COL25A1: variants seen among roughly 807,000 people sequenced by gnomAD.
COL25A1 encodes the protein collagen type XXV alpha 1 chain, also known as collagen alpha-1(XXV) chain.
A neutral mutation model predicts 128.4 loss-of-function variants in COL25A1; 103 were observed. That is an observed-to-expected ratio of 0.80 (90% confidence interval 0.68 to 0.94). COL25A1 has a LOEUF of 0.94. COL25A1 is among the 40% of genes least tolerant of loss of function. The pLI, the probability that COL25A1 is intolerant of heterozygous loss-of-function variation, is 0.00. For missense variants in COL25A1, 745 were observed against 840.0 expected (o/e 0.89, Z 1.40); for synonymous variants, 279 against 277.2 (o/e 1.01, Z -0.06).
intron 5 of COL25A1, among the ~76,000 whole-genome samples, chr4:109,043,247 G>T (rs1159751030): frequency 3.3e-5 from 5 of 152,030 alleles, no homozygotes; most frequent in African/African-American, 1.2e-4. Flanking sequence ...GACACAATTT[G>T]ACTTAAAAAT....
intron 3 of COL25A1, among the ~76,000 whole-genome samples, chr4:109,186,337 T>C (rs921746800): frequency 2.6e-5 from 4 of 152,228 alleles, no homozygotes; most frequent in African/African-American, 4.8e-5. Flanking sequence ...CATATATTTT[T>C]CCATTTTTCT....
rs560250030 is a variant in COL25A1, at chr4:109,018,398, A to G, written c.421-8023T>C. On this transcript the variant is annotated intron_variant, in intron 5 of 37. Coordinates refer to ENST00000399132, the MANE Select transcript of COL25A1 (RefSeq NM_198721.4). ...CTCCACCACTCCCAGAAAATTTTTT[A>G]TATTTAGTAGAGATGGGGTTTCACC... Among the ~76,000 whole-genome samples, 6 of 152,178 alleles carry G rather than the reference A, an allele frequency of 3.9e-5. No individual in the cohort carries two copies. The South Asian group carries it at 1.2e-3, about 32-fold the overall frequency.
intron 3 of COL25A1, among the ~76,000 whole-genome samples, chr4:109,286,319 G>GTACA (rs1257419636): frequency 1.3e-5 from 2 of 152,054 alleles, no homozygotes; most frequent in African/African-American, 4.8e-5. Context: ...CAACCTTGAG[G>GTACA]TACACCTTGA....
At chr4:109,179,425 T>C (rs748648916) in intron 3 of COL25A1, among the ~76,000 whole-genome samples, 27 of 152,232 alleles carry the variant, frequency 1.8e-4, no homozygotes, top group Non-Finnish European at 2.9e-4. Flanking sequence ...AGACTTCTAA[T>C]ATGCATTCGT....
Position 108,974,562 on chromosome 4 carries a change from G to A in COL25A1, c.439-3C>T. ...TCGCCTTTTGGACCAGGAGGGCCCT[G>A]AAAAAAAGAAAGAGAAAAAAAATTT... On this transcript the variant is annotated splice_polypyrimidine_tract_variant and splice_region_variant and intron_variant, in intron 6 of 37. Coordinates refer to ENST00000399132, the MANE Select transcript of COL25A1 (RefSeq NM_198721.4). 1 of 1,591,314 alleles carries A rather than the reference G, an allele frequency of 6.3e-7. No homozygotes were observed. Among genetic ancestry groups the A allele is most frequent in the Non-Finnish European group, 8.5e-7 (1 of 1,171,986 alleles).
At chr4:108,914,810 C>T (rs1183849916) in intron 13 of COL25A1, among the ~76,000 whole-genome samples, 1 of 152,006 alleles carries the variant, frequency 6.6e-6, no homozygotes, top group Non-Finnish European at 1.5e-5. Context: ...TGAGCCACTG[C>T]GCCCAGCCTG....
chr4:109,059,749 T>C (rs1761783706), intron 3 of COL25A1, among the ~76,000 whole-genome samples: 1 of 152,212 alleles, frequency 6.6e-6, no homozygotes, highest in Non-Finnish European at 1.5e-5. Flanking sequence ...TATATATAAG[T>C]ATTTGAAGTG....
At chr4:108,904,386 G>A (rs1743212617) in intron 13 of COL25A1, among the ~76,000 whole-genome samples, 1 of 152,070 alleles carries the variant, frequency 6.6e-6, no homozygotes, top group Non-Finnish European at 1.5e-5. Flanking sequence ...TAGGGGCAAA[G>A]TTTTCTTACA....
intron 3 of COL25A1, among the ~76,000 whole-genome samples, chr4:109,182,205 TG>T (rs1560824977): frequency 6.6e-6 from 1 of 152,144 alleles, no homozygotes; most frequent in African/African-American, 2.4e-5. Context: ...TTTCCTTTGG[TG>T]TACACTCAGC....
intron 3 of COL25A1, among the ~76,000 whole-genome samples, chr4:109,139,287 C>T (rs2126083100): frequency 6.6e-6 from 1 of 152,264 alleles, no homozygotes; most frequent in Non-Finnish European, 1.5e-5. Context: ...TCCCTGTTCA[C>T]TCTGATGATA....
intron 3 of COL25A1, among the ~76,000 whole-genome samples, chr4:109,206,181 G>A (rs1338549568): frequency 6.6e-6 from 1 of 151,982 alleles, no homozygotes; most frequent in Non-Finnish European, 1.5e-5. Flanking sequence ...TCCTTCTACT[G>A]TACACACCTT....
intron 3 of COL25A1, among the ~76,000 whole-genome samples, chr4:109,088,485 C>T (rs1224754835): frequency 2.6e-5 from 4 of 152,038 alleles, no homozygotes; most frequent in Non-Finnish European, 5.9e-5. Context: ...TAATACTGTA[C>T]TAAAATGGTT....
At chr4:109,032,706 A>G (rs1560572416) in intron 5 of COL25A1, among the ~76,000 whole-genome samples, 1 of 152,238 alleles carries the variant, frequency 6.6e-6, no homozygotes, top group South Asian at 2.1e-4. Flanking sequence ...GATGTTCTCC[A>G]TTGAGACAGG....
intron 3 of COL25A1, among the ~76,000 whole-genome samples, chr4:109,223,012 T>G (rs1468808864): frequency 6.6e-6 from 1 of 152,186 alleles, no homozygotes; most frequent in African/African-American, 2.4e-5. Flanking sequence ...CAGAAGCTGA[T>G]CCTCTCGCCC....
chr4:109,252,216 T>C (rs938799257), intron 3 of COL25A1, among the ~76,000 whole-genome samples: 3 of 152,228 alleles, frequency 2.0e-5, no homozygotes, highest in African/African-American at 7.2e-5. Flanking sequence ...CCTTCTATGA[T>C]GGAAGAGGTC....
intron 11 of COL25A1, chr4:108,921,063 CAT>C (rs1745440205): frequency 6.5e-6 from 1 of 154,556 alleles, no homozygotes; most frequent in African/African-American, 2.4e-5. Context: ...TACAAAGAAA[CAT>C]GACTTTTTTT....
At chr4:109,068,257 G>C (rs1579263453) in intron 3 of COL25A1, among the ~76,000 whole-genome samples, 1 of 152,196 alleles carries the variant, frequency 6.6e-6, no homozygotes, top group East Asian at 1.9e-4. Flanking sequence ...CACAACATTG[G>C]ATTATTACAG....
chr4:109,184,922 T>C (rs1774998818), intron 3 of COL25A1, among the ~76,000 whole-genome samples: 2 of 152,182 alleles, frequency 1.3e-5, no homozygotes. Context: ...TAAATCTTTC[T>C]CCTGGGGAAT....
At chr4:108,899,935 A>C (rs770475210) in intron 14 of COL25A1, among the ~76,000 whole-genome samples, 10 of 152,152 alleles carry the variant, frequency 6.6e-5, no homozygotes, top group African/African-American at 9.6e-5. Flanking sequence ...GGAGAGTAGG[A>C]GTCCTAAAGT....
Sources: gnomAD v4.1 joint callset for allele counts (sites outside exome capture counted in the v4.1 genomes callset) on GRCh38, gnomAD v4.1.1 for gene constraint, MANE v1.5 for transcripts, NCBI Gene and HGNC (gene_info 2026-07-23, HGNC 2026-07-21) for gene names.